The following CNDP2 variants were observed in gnomAD, a reference collection of about 807,000 sequenced individuals.
CNDP2 encodes cytosolic non-specific dipeptidase.
Under a neutral mutation model 55.0 loss-of-function variants are expected in CNDP2, and 38 were observed. The observed-to-expected ratio is 0.69, with a 90% CI of 0.53 to 0.90. The LOEUF is 0.90. Among genes scored for constraint, CNDP2 ranks in the 40% least tolerant of loss-of-function variants. The pLI, the probability that CNDP2 is intolerant of heterozygous loss-of-function variation, is 0.00. For synonymous variants in CNDP2, 241 were observed against 260.2 expected (o/e 0.93, Z 0.71); for missense variants, 607 against 621.7 (o/e 0.98, Z 0.25).
At chr18:74,506,532 C>G (rs376359638) in intron 4 of CNDP2, among the ~76,000 whole-genome samples, 109 of 152,172 alleles carry the variant, frequency 7.2e-4, no homozygotes, top group African/African-American at 2.6e-3. Flanking sequence ...GCAAATGAGC[C>G]CCCCGTGGCT....
At chr18:74,507,932 AG>A (rs1568279472) in intron 4 of CNDP2, 1 of 152,278 alleles carries the variant, frequency 6.6e-6, no homozygotes, top group Non-Finnish European at 1.5e-5. Flanking sequence ...TTGTTGTTTT[AG>A]AAAAGCTTAT....
rs1979188024 is a variant in CNDP2, at chr18:74,508,931, A to G, written c.456+3A>G. ...AAGCGTATCAGAAAACAGGCCAGGT[A>G]TGCCCCCCACGCTGACTTCTGCCTG... On this transcript the variant is annotated splice_donor_region_variant and intron_variant, in intron 5 of 11. Transcript: ENST00000324262. 1 of 1,613,520 alleles carries G rather than the reference A, an allele frequency of 6.2e-7. No homozygotes were observed. Among genetic ancestry groups the G allele is most frequent in the Middle Eastern group, 1.7e-4 (1 of 5,954 alleles).
At chr18:74,512,683 T>A in intron 7 of CNDP2, 151 bp downstream of exon 7, 2 of 629,164 alleles carry the variant, frequency 3.2e-6, no homozygotes, top group Non-Finnish European at 5.4e-6. Context: ...CTCCTTCCAC[T>A]CACTTGTCCC....
intron 4 of CNDP2, chr18:74,507,843 A>T (rs968237674): frequency 2.0e-5 from 3 of 152,392 alleles, no homozygotes; most frequent in African/African-American, 7.2e-5. Flanking sequence ...GGGTGGGGGC[A>T]GGTCACATTT....
intron 8 of CNDP2, among the ~76,000 whole-genome samples, chr18:74,515,586 T>C (rs1362393005): frequency 1.3e-5 from 2 of 152,148 alleles, no homozygotes; most frequent in African/African-American, 2.4e-5. Flanking sequence ...GAAGCCCCCT[T>C]TGGGGGCACA....
rs143393947 is a variant in CNDP2 at position 74,508,924 on chromosome 18, G to C, written c.452G>C (p.Gly151Ala). 6.2e-7 allele frequency: 1 copy of C among 1,613,790 alleles called. No homozygotes were observed. Among genetic ancestry groups the C allele is most frequent in the Admixed American group, 1.7e-5 (1 of 60,014 alleles). ...INALEAYQKT[G>A]QEIPVNVRFC... ...GCCCTGGAAGCGTATCAGAAAACAG[G>C]CCAGGTATGCCCCCCACGCTGACTT... Residue 151 changes from glycine (G) to alanine (A), a missense_variant, in exon 5 of 12, where the codon GGC becomes GCC. By Grantham distance (60) the Gly-to-Ala change is moderately conservative. Coordinates refer to ENST00000324262, the MANE Select transcript of CNDP2 (RefSeq NM_018235.3).
chr18:74,505,714 T>C (rs1978974286), intron 3 of CNDP2, 135 bp from the exon 4 acceptor site: 1 of 878,878 alleles, frequency 1.1e-6, no homozygotes, highest in East Asian at 2.9e-5. Context: ...TTGAACAGTG[T>C]GCTCTTAAAC....
In CNDP2 at chr18:74,510,878, C is replaced by G. The variant is rs151125709; in HGVS notation, c.522C>G (p.Asp174Glu). 1 of 1,614,148 alleles carries G rather than the reference C, an allele frequency of 6.2e-7. No homozygotes were observed. The highest frequency in any genetic ancestry group is 1.7e-5 in the Admixed American group (1 of 60,022). Reference sequence around the variant, plus strand: ...AGGAGTCAGGCTCTGAGGGCCTAGACGAGCTGATTTTTGCCCGGAAAGACA... The same window carrying G: ...AGGAGTCAGGCTCTGAGGGCCTAGAGGAGCTGATTTTTGCCCGGAAAGACA... ...GMEESGSEGL[D>E]ELIFARKDTF... The change falls in exon 6 of 12, where the codon GAC (aspartate) becomes GAG (glutamate). Residue 174 changes from aspartate to glutamate, a missense_variant. Physicochemically the swap from Asp to Glu is conservative, Grantham distance 45 (BLOSUM62 2). Transcript: ENST00000324262.
Position 74,520,168 on chromosome 18 carries a change from C to A in CNDP2, c.*100C>A. 2.7e-6 allele frequency: 3 copies of A among 1,112,582 alleles called. No homozygotes were observed. The highest frequency in any genetic ancestry group is 4.0e-6 in the Non-Finnish European group (3 of 744,488). The allele number at this position is 1,112,582 out of a possible 1,614,324, so 68.9% of individuals were successfully genotyped here. ...GAAGTGGAGGTTCCCTCTTTCCTTT[C>A]CCTCTTGTCAGGTCATCCATGACTT... On this transcript the variant is annotated 3_prime_UTR_variant, in exon 12 of 12. Coordinates refer to ENST00000324262, the MANE Select transcript of CNDP2 (RefSeq NM_018235.3).
intron 3 of CNDP2, chr18:74,505,116 A>T (rs950071476): frequency 1.3e-5 from 2 of 152,196 alleles, no homozygotes; most frequent in Non-Finnish European, 2.9e-5. Context: ...TTTTTTATAT[A>T]TATCTTGGTT....
chr18:74,514,076 G>A (rs73476744), intron 8 of CNDP2, among the ~76,000 whole-genome samples: 3,777 of 152,238 alleles, frequency 0.025, 159 homozygotes, highest in African/African-American at 0.087. Flanking sequence ...AAACTGTGCC[G>A]AACGTTTACC....
chr18:74,501,830 A>G (rs1344659216), intron 3 of CNDP2, among the ~76,000 whole-genome samples: 1 of 152,126 alleles, frequency 6.6e-6, no homozygotes, highest in Non-Finnish European at 1.5e-5. Context: ...AAAAATTATA[A>G]AGACTCCCCC....
intron 2 of CNDP2, among the ~76,000 whole-genome samples, chr18:74,500,681 C>G (rs768443655): frequency 2.0e-5 from 3 of 152,152 alleles, no homozygotes; most frequent in Non-Finnish European, 4.4e-5. Flanking sequence ...GCAGGACAAG[C>G]CACAGACAAA....
chr18:74,513,760 G>A (rs755734371), intron 8 of CNDP2, 41 bp downstream of exon 8: 12 of 1,595,574 alleles, frequency 7.5e-6, no homozygotes, highest in Middle Eastern at 3.3e-4. Flanking sequence ...CCCAGGCCAC[G>A]CTGTGACACA....
intron 3 of CNDP2, among the ~76,000 whole-genome samples, chr18:74,505,526 G>A (rs1978959942): frequency 6.6e-6 from 1 of 151,754 alleles, no homozygotes; most frequent in Non-Finnish European, 1.5e-5. Context: ...TTGAGCCTGG[G>A]AGGCAGAGGT....
intron 6 of CNDP2, 170 bp downstream of exon 6, chr18:74,511,183 T>C: frequency 3.3e-6 from 2 of 605,040 alleles, no homozygotes; most frequent in Non-Finnish European, 2.9e-6. Context: ...TACACCAGGG[T>C]GGACAGCAAC....
intron 7 of CNDP2, among the ~76,000 whole-genome samples, 176 bp downstream of exon 7, chr18:74,512,708 T>C (rs1568281153): frequency 6.6e-6 from 1 of 152,112 alleles, no homozygotes; most frequent in Non-Finnish European, 1.5e-5. Flanking sequence ...AGAGGCCCCC[T>C]TGTTTGATTT....
At position 74,511,144 on chromosome 18, in the gene CNDP2, CA is replaced by C. The variant is rs1979332460; in HGVS notation, c.657+133del. On this transcript the variant is annotated intron_variant, in intron 6 of 11. Transcript: ENST00000324262. The stretch of plus-strand genomic sequence containing the variant: ...GAAGCACAGGGCTCACTTAGTGCCC[CA>C]ATTCCCAGCTTCCATAAACCACCGT... 4.2e-5 allele frequency: 30 copies of C among 710,408 alleles called. No individual in the cohort carries two copies. The South Asian group carries it at 5.7e-4, about 13-fold the overall frequency. 44.0% of individuals were successfully genotyped at this position (710,408 alleles called of 1,614,324 possible).
At chr18:74,519,243 A>T in intron 11 of CNDP2, 147 bp downstream of exon 11, 1 of 1,074,132 alleles carries the variant, frequency 9.3e-7, no homozygotes, top group Non-Finnish European at 1.3e-6. Context: ...GTGAAGTGGG[A>T]ACTTCAGATG....
Sources: gnomAD v4.1 joint callset for allele counts (sites outside exome capture counted in the v4.1 genomes callset) on GRCh38, gnomAD v4.1.1 for gene constraint, MANE v1.5 for transcripts, NCBI Gene and HGNC (gene_info 2026-07-23, HGNC 2026-07-21) for gene names.